SFMBT1: variants seen among roughly 807,000 people sequenced by gnomAD.
The protein encoded by SFMBT1 is Scm like with four mbt domains 1.
In SFMBT1, 32 loss-of-function variants were observed where a neutral mutation model predicts 108.7. That is an observed-to-expected ratio of 0.29 (90% CI 0.22 to 0.40). SFMBT1 has a LOEUF of 0.40. Among genes scored for constraint, SFMBT1 ranks in the 10% least tolerant of loss-of-function variants. The pLI is 1.00. For synonymous variants in SFMBT1, 348 were observed against 369.5 expected (o/e 0.94, Z 0.67); for missense variants, 816 against 1,059.6 (o/e 0.77, Z 3.19).
chr3:52,983,728 C>A (rs367571793), intron 1 of SFMBT1, among the ~76,000 whole-genome samples: 1 of 152,000 alleles, frequency 6.6e-6, no homozygotes, highest in South Asian at 2.1e-4. Context: ...GCTTGTGTGG[C>A]GTATTTGAGG....
chr3:52,919,389 C>CT (rs1393925396), intron 12 of SFMBT1, among the ~76,000 whole-genome samples: 2 of 152,152 alleles, frequency 1.3e-5, no homozygotes, highest in Non-Finnish European at 2.9e-5. Flanking sequence ...TGGATGAACT[C>CT]TGAGAGCAGT....
intron 1 of SFMBT1, among the ~76,000 whole-genome samples, chr3:53,023,621 A>AC (rs373785445): frequency 1.1e-4 from 17 of 152,066 alleles, no homozygotes; most frequent in Non-Finnish European, 1.8e-4. Flanking sequence ...ACATTTCCAA[A>AC]CCCCCCGTCA....
chr3:53,006,770 T>A (rs990579909), intron 1 of SFMBT1, among the ~76,000 whole-genome samples: 11 of 152,232 alleles, frequency 7.2e-5, no homozygotes, highest in African/African-American at 2.7e-4. Context: ...AAGGGAAGAC[T>A]GTACTTCATT....
chr3:52,943,733 T>G, intron 3 of SFMBT1, 140 bp from the exon 4 acceptor site: 1 of 1,117,226 alleles, frequency 9.0e-7, no homozygotes, highest in Admixed American at 1.9e-5. Context: ...ATTCCAATTC[T>G]AACTTACAGA....
intron 13 of SFMBT1, among the ~76,000 whole-genome samples, chr3:52,916,572 G>A (rs1179771719): frequency 6.6e-6 from 1 of 151,732 alleles, no homozygotes; most frequent in African/African-American, 2.4e-5. Context: ...AGGAGGCTGA[G>A]GGAGGAGAAT....
chr3:52,978,052 C>G (rs1307553351), intron 1 of SFMBT1, among the ~76,000 whole-genome samples: 1 of 152,108 alleles, frequency 6.6e-6, no homozygotes, highest in Non-Finnish European at 1.5e-5. Context: ...AGACCAAAAT[C>G]TCTGCCCTCA....
rs758629256 is a variant in SFMBT1 at position 52,920,544 on chromosome 3, T to G, written c.1365A>C (p.Arg455=). ...CCAGAAATAGACAGATACCTCGTGC[T>G]CGGCGAGGAGTGCTGAGGGGGTGGC... is the stretch of plus-strand genomic sequence containing the variant. ...TNGHPLSTPR[R]ARVYKQRKIA... is the part of the protein sequence containing the mutation. Residue 455 remains arginine (R), a synonymous_variant, in exon 12 of 21, where the codon CGA becomes CGC. Transcript: ENST00000394752. 1.9e-6 allele frequency: 3 copies of G among 1,611,608 alleles called. No homozygotes were observed. Among genetic ancestry groups the G allele is most frequent in the Non-Finnish European group, 8.5e-7 (1 of 1,178,232 alleles).
At chr3:52,911,281 ATAT>A in intron 16 of SFMBT1, 103 bp from the exon 17 acceptor site, 1 of 1,196,314 alleles carries the variant, frequency 8.4e-7, no homozygotes. Context: ...GCTTCTTGGA[ATAT>A]TCTATGTCCT....
intron 1 of SFMBT1, among the ~76,000 whole-genome samples, chr3:53,039,934 A>G (rs1699982647): frequency 6.6e-6 from 1 of 152,220 alleles, no homozygotes; most frequent in Admixed American, 6.5e-5. Flanking sequence ...TATGTTCTAG[A>G]CAGGCAATAT....
chr3:52,936,721 G>C lies in SFMBT1; in HGVS notation c.365-1820C>G, dbSNP rs142659731. Among the ~76,000 whole-genome samples, 345 of 152,114 alleles carry C rather than the reference G, an allele frequency of 2.3e-3. 4 individuals carry two copies. The highest frequency in any genetic ancestry group is 7.8e-3 in the African/African-American group (322 of 41,500). On this transcript the variant is annotated intron_variant, in intron 4 of 20. Transcript: ENST00000394752. ...GACCTGGGCATGCTCATTGTCACTGGGTTAGTGTTTCTCGGCCTTTTCAGT... is the reference window on the plus strand; with the variant it reads ...GACCTGGGCATGCTCATTGTCACTGCGTTAGTGTTTCTCGGCCTTTTCAGT...
intron 1 of SFMBT1, among the ~76,000 whole-genome samples, chr3:53,035,704 C>G (rs372949248): frequency 6.6e-6 from 1 of 152,208 alleles, no homozygotes; most frequent in African/African-American, 2.4e-5. Flanking sequence ...TCAAGTGATT[C>G]TCCTGCCTCA....
At position 52,932,374 on chromosome 3, in the gene SFMBT1, T is replaced by G. The variant is rs893639210; in HGVS notation, c.454-66A>C. On this transcript the variant is annotated intron_variant, in intron 5 of 20. Coordinates refer to ENST00000394752, the MANE Select transcript of SFMBT1 (RefSeq NM_016329.4). Reference sequence around the variant, plus strand: ...AACATAATATTTTTGAAAAGCCAACTTATAAATGATCTCAAACCAGCCTTT... The same window carrying G: ...AACATAATATTTTTGAAAAGCCAACGTATAAATGATCTCAAACCAGCCTTT... 4.0e-6 allele frequency: 6 copies of G among 1,501,170 alleles called. No individual in the cohort carries two copies. The Admixed American group carries it at 1.1e-4, about 27-fold the overall frequency. 93.0% of individuals were successfully genotyped at this position (1,501,170 alleles called of 1,614,324 possible).
chr3:52,982,263 CATT>C (rs1376845851), intron 1 of SFMBT1, among the ~76,000 whole-genome samples: 1 of 152,110 alleles, frequency 6.6e-6, no homozygotes, highest in African/African-American at 2.4e-5. Flanking sequence ...TTGAAGATTC[CATT>C]GTTATAGAAA....
intron 1 of SFMBT1, among the ~76,000 whole-genome samples, chr3:53,038,709 A>C (rs1699941633): frequency 1.3e-5 from 2 of 152,232 alleles, no homozygotes; most frequent in African/African-American, 4.8e-5. Context: ...TGATACAGCA[A>C]ATCTAAAATA....
At chr3:52,976,544 G>A (rs945141125) in intron 1 of SFMBT1, among the ~76,000 whole-genome samples, 4 of 152,064 alleles carry the variant, frequency 2.6e-5, no homozygotes, top group East Asian at 1.9e-4. Flanking sequence ...GAAAACATAC[G>A]TGAATATGGT....
intron 1 of SFMBT1, among the ~76,000 whole-genome samples, chr3:52,980,243 G>A (rs1290486972): frequency 6.6e-6 from 1 of 152,146 alleles, no homozygotes; most frequent in Non-Finnish European, 1.5e-5. Context: ...AAAATTAAGT[G>A]TAGTACATAT....
intron 14 of SFMBT1, among the ~76,000 whole-genome samples, chr3:52,914,701 T>C (rs1177253835): frequency 6.6e-6 from 1 of 152,110 alleles, no homozygotes; most frequent in Non-Finnish European, 1.5e-5. Context: ...CTGATATCAC[T>C]GCACTGCACT....
chr3:52,972,841 A>AAC (rs55688451), intron 1 of SFMBT1, among the ~76,000 whole-genome samples: 54,010 of 118,718 alleles, frequency 0.45, 12,480 homozygotes, highest in Non-Finnish European at 0.49. Flanking sequence ...ATCTCTACTA[A>AAC]ACACACACAC....
intron 2 of SFMBT1, among the ~76,000 whole-genome samples, chr3:52,958,033 A>G (rs1309691583): frequency 6.6e-6 from 1 of 152,232 alleles, no homozygotes; most frequent in Admixed American, 6.5e-5. Flanking sequence ...AACCTAAAGA[A>G]TGGGAGAACA....
Sources: gnomAD v4.1 joint callset for allele counts (sites outside exome capture counted in the v4.1 genomes callset) on GRCh38, gnomAD v4.1.1 for gene constraint, MANE v1.5 for transcripts, NCBI Gene and HGNC (gene_info 2026-07-23, HGNC 2026-07-21) for gene names.